Variants in ADAM9 observed in about 807,000 individuals in gnomAD.
The protein encoded by ADAM9 is disintegrin and metalloproteinase domain-containing protein 9.
ADAM9 carries 54 observed loss-of-function variants against 108.1 expected under a neutral mutation model. That is an observed-to-expected ratio of 0.50 (90% CI 0.40 to 0.63). The LOEUF is 0.63. Among genes scored for constraint, ADAM9 ranks in the 20% least tolerant of loss-of-function variants. The pLI is 0.00. For synonymous variants in ADAM9, 316 were observed against 336.0 expected (o/e 0.94, Z 0.65); for missense variants, 830 against 997.7 (o/e 0.83, Z 2.26).
chr8:39,007,252 CTT>C (rs1479761260), intron 1 of ADAM9, among the ~76,000 whole-genome samples: 1 of 152,126 alleles, frequency 6.6e-6, no homozygotes, highest in African/African-American at 2.4e-5. Flanking sequence ...AACAAGAACT[CTT>C]TCTCCTACCC....
chr8:39,078,565 T>C (rs1301816262), intron 16 of ADAM9, among the ~76,000 whole-genome samples: 2 of 152,124 alleles, frequency 1.3e-5, no homozygotes, highest in Admixed American at 6.6e-5. Context: ...GCGGATCACT[T>C]GAAGTCAGGA....
chr8:39,095,220 T>TA (rs1227580061), intron 20 of ADAM9, among the ~76,000 whole-genome samples: 1 of 152,170 alleles, frequency 6.6e-6, no homozygotes, highest in African/African-American at 2.4e-5. Context: ...GTTGGCCCTG[T>TA]AGAACCCACA....
chr8:39,055,850 A>G lies in ADAM9; in HGVS notation c.1591+78A>G, dbSNP rs772298935. ...TAGATATTTTAAAAAAGGTAATGAA[A>G]CATTATTGATAAAGTTGAGGCTCTC... is the stretch of plus-strand genomic sequence containing the variant. On this transcript the variant is annotated intron_variant, in intron 14 of 21. Transcript: ENST00000487273. The G allele has an allele frequency of 7.5e-4, 1,051 of 1,410,064 alleles. 1 individual carries two copies. The highest frequency in any genetic ancestry group is 2.1e-3 in the Middle Eastern group (10 of 4,762). The allele number at this position is 1,410,064 out of a possible 1,614,324, so 87.3% of individuals were successfully genotyped here.
chr8:39,009,399 C>G (rs1836271766), intron 2 of ADAM9, among the ~76,000 whole-genome samples: 1 of 152,254 alleles, frequency 6.6e-6, no homozygotes, highest in Admixed American at 6.5e-5. Flanking sequence ...GCCACTATAC[C>G]CAGCTAATTT....
chr8:39,102,909 C>G (rs1839745070), intron 21 of ADAM9, among the ~76,000 whole-genome samples: 1 of 152,206 alleles, frequency 6.6e-6, no homozygotes, highest in Admixed American at 6.5e-5. Context: ...ATGTGACCCT[C>G]CCATCCCCTA....
At chr8:39,015,842 C>T (rs1836507967) in intron 4 of ADAM9, 1 of 390,370 alleles carries the variant, frequency 2.6e-6, no homozygotes, top group Admixed American at 4.0e-5. Flanking sequence ...GCATCTTGTT[C>T]TGCTTCTAGG....
intron 14 of ADAM9, among the ~76,000 whole-genome samples, chr8:39,062,573 T>A (rs1406160524): frequency 2.0e-5 from 3 of 152,208 alleles, no homozygotes; most frequent in Non-Finnish European, 4.4e-5. Context: ...CTCTCCATTA[T>A]GGTAACCTTG....
chr8:39,050,275 T>C (rs907516625), intron 12 of ADAM9, among the ~76,000 whole-genome samples: 3 of 152,200 alleles, frequency 2.0e-5, no homozygotes, highest in African/African-American at 7.2e-5. Flanking sequence ...TCTTTGGGCT[T>C]CCTGCATCTG....
Position 39,082,950 on chromosome 8 carries a change from A to G in ADAM9, c.1963-18A>G. 6.3e-7 allele frequency: 1 copy of G among 1,597,510 alleles called. No homozygotes were observed. The highest frequency in any genetic ancestry group is 2.2e-5 in the East Asian group (1 of 44,688). On this transcript the variant is annotated intron_variant, in intron 17 of 21. Coordinates refer to ENST00000487273, the MANE Select transcript of ADAM9 (RefSeq NM_003816.3). ...AACATTCACAATTAACAAAAGTGGT[A>G]TTTTGATTGTTTTGAAGGTATGTAA...
At chr8:39,051,893 C>T (rs771566100) in intron 12 of ADAM9, among the ~76,000 whole-genome samples, 7 of 151,838 alleles carry the variant, frequency 4.6e-5, no homozygotes, top group African/African-American at 1.2e-4. Flanking sequence ...ACAGTGCTGC[C>T]GTATACATCC....
At chr8:39,087,806 A>T (rs557819332) in intron 18 of ADAM9, among the ~76,000 whole-genome samples, 1 of 152,184 alleles carries the variant, frequency 6.6e-6, no homozygotes, top group Non-Finnish European at 1.5e-5. Flanking sequence ...CCGTTGAACA[A>T]TGCAAAGGTT....
chr8:39,043,227 T>C (rs4733970), intron 12 of ADAM9, among the ~76,000 whole-genome samples: 35,995 of 152,140 alleles, frequency 0.24, 4,561 homozygotes, highest in South Asian at 0.31. Flanking sequence ...TGAATAATGC[T>C]GCAGTGAACA....
chr8:39,002,359 C>T (rs1431833603), intron 1 of ADAM9, among the ~76,000 whole-genome samples: 3 of 126,858 alleles, frequency 2.4e-5, no homozygotes, highest in Non-Finnish European at 4.7e-5. Context: ...CACTCTGTTG[C>T]CCAGACTGGG....
intron 14 of ADAM9, among the ~76,000 whole-genome samples, chr8:39,060,303 C>G (rs746329149): frequency 6.6e-6 from 1 of 152,236 alleles, no homozygotes; most frequent in Non-Finnish European, 1.5e-5. Context: ...CTGCTTCAAG[C>G]ACTGTTTGAT....
intron 1 of ADAM9, among the ~76,000 whole-genome samples, chr8:38,999,617 A>G (rs952079007): frequency 5.3e-5 from 8 of 152,124 alleles, no homozygotes; most frequent in African/African-American, 1.9e-4. Context: ...CCGATAGGAG[A>G]ATGTAGCCTT....
chr8:39,037,324 C>G (rs899749514), intron 11 of ADAM9, among the ~76,000 whole-genome samples: 3 of 147,922 alleles, frequency 2.0e-5, no homozygotes, highest in Non-Finnish European at 4.5e-5. Context: ...GCTGGGATTA[C>G]AAGCGTAAGC....
In ADAM9 at chr8:39,071,187, G is replaced by C. The variant is rs542836360; in HGVS notation, c.1592-111G>C. Reference sequence around the variant, plus strand: ...GGAAAGGTTTTCCACGGTGTTGAGGGGTATTGAGGCTGTTCATCCAGGTGT... The same window carrying C: ...GGAAAGGTTTTCCACGGTGTTGAGGCGTATTGAGGCTGTTCATCCAGGTGT... On this transcript the variant is annotated intron_variant, in intron 14 of 21. Transcript: ENST00000487273. The C allele has an allele frequency of 1.1e-4, 98 of 894,420 alleles. No individual in the cohort carries two copies. The African/African-American group carries it at 1.3e-3, about 12-fold the overall frequency. The allele number at this position is 894,420 out of a possible 1,614,324, so 55.4% of individuals were successfully genotyped here. A position where few individuals can be genotyped will look rare whatever the true frequency, so the allele number is the denominator to read the frequency against.
intron 7 of ADAM9, among the ~76,000 whole-genome samples, chr8:39,020,052 G>T (rs775831539): frequency 6.6e-6 from 1 of 152,208 alleles, no homozygotes; most frequent in African/African-American, 2.4e-5. Context: ...TTGGGAGGCC[G>T]AGGCGGGCGG....
intron 11 of ADAM9, among the ~76,000 whole-genome samples, chr8:39,040,689 G>C (rs983762486): frequency 1.5e-4 from 23 of 152,108 alleles, no homozygotes; most frequent in Admixed American, 2.6e-4. Context: ...TTGCTGTGCA[G>C]AGCTTTTTAG....
Sources: gnomAD v4.1 joint callset for allele counts (sites outside exome capture counted in the v4.1 genomes callset) on GRCh38, gnomAD v4.1.1 for gene constraint, MANE v1.5 for transcripts, NCBI Gene and HGNC (gene_info 2026-07-23, HGNC 2026-07-21) for gene names.